Variants in FBXL17 observed in about 807,000 individuals in gnomAD.
FBXL17 encodes F-box and leucine rich repeat protein 17, also known as F-box/LRR-repeat protein 17.
In FBXL17, 22 loss-of-function variants were observed where a neutral mutation model predicts 66.2. The observed-to-expected ratio is 0.33, with a 90% CI of 0.24 to 0.47. FBXL17 has a LOEUF of 0.47. Ranked by LOEUF, FBXL17 falls within the 20% of genes least tolerant of loss-of-function variation. The probability of loss-of-function intolerance (pLI) is 1.00; values close to 1 mark genes in which losing one functional copy is unlikely to be tolerated. For missense variants in FBXL17, 878 were observed against 948.2 expected, an observed-to-expected ratio of 0.93 and a Z score of 0.97; for synonymous variants, 474 against 400.5, an observed-to-expected ratio of 1.18 and a Z score of -2.19.
At chr5:107,921,060 G>A (rs1750302417) in intron 7 of FBXL17, among the ~76,000 whole-genome samples, 1 of 151,934 alleles carries the variant, frequency 6.6e-6, no homozygotes. Context: ...AAATTCAAAG[G>A]GTAAATGATT....
chr5:108,230,660 T>C (rs557549748), intron 4 of FBXL17, among the ~76,000 whole-genome samples: 2 of 150,210 alleles, frequency 1.3e-5, no homozygotes, highest in Non-Finnish European at 3.0e-5. Context: ...ATCTCACAAA[T>C]CGTCACTGAA....
intron 6 of FBXL17, among the ~76,000 whole-genome samples, chr5:108,104,817 G>A (rs1749730376): frequency 2.0e-5 from 3 of 152,122 alleles, no homozygotes; most frequent in African/African-American, 7.2e-5. Flanking sequence ...ACTTTGGGGA[G>A]TACACAATTA....
chr5:107,901,150 C>G (rs190614166), intron 7 of FBXL17, among the ~76,000 whole-genome samples: 1 of 152,142 alleles, frequency 6.6e-6, no homozygotes, highest in Non-Finnish European at 1.5e-5. Flanking sequence ...TTTTCTTAAC[C>G]TGGATAAAGC....
chr5:108,155,365 A>C lies in FBXL17; in HGVS notation c.1745+30752T>G, dbSNP rs190564113. 4.9e-4 allele frequency among the ~76,000 whole-genome samples: 75 copies of C among 152,120 alleles called. 1 individual carries two copies. The South Asian group carries it at 0.013, about 27-fold the overall frequency. On this transcript the variant is annotated intron_variant, in intron 6 of 8. Transcript: ENST00000542267. Reference sequence around the variant, plus strand: ...CTCCATCTCTACTAAAAATACAAAAATTAGCCGGGCGTGGTGGCACGTGCC... The same window carrying C: ...CTCCATCTCTACTAAAAATACAAAACTTAGCCGGGCGTGGTGGCACGTGCC...
chr5:108,277,552 G>A lies in FBXL17; in HGVS notation c.1507-53324C>T, dbSNP rs11953702. On this transcript the variant is annotated intron_variant, in intron 4 of 8. Transcript: ENST00000542267. ...GAAGCAGGAGGGTTGAAGGTTTCAG[G>A]AGGAATGTCTGTAAAAACAAACAAA... Among the ~76,000 whole-genome samples, 727 of 152,272 alleles carry A rather than the reference G, an allele frequency of 4.8e-3. 9 individuals carry two copies. Among genetic ancestry groups the A allele is most frequent in the African/African-American group, 0.017 (708 of 41,560 alleles).
chr5:108,223,789 A>T (rs925041425), intron 5 of FBXL17, among the ~76,000 whole-genome samples: 1 of 147,932 alleles, frequency 6.8e-6, no homozygotes, highest in Admixed American at 6.8e-5. Context: ...TACTCATAAG[A>T]TCTAGTGATA....
chr5:108,338,933 G>T (rs1328929124), intron 4 of FBXL17, among the ~76,000 whole-genome samples: 1 of 152,164 alleles, frequency 6.6e-6, no homozygotes, highest in Non-Finnish European at 1.5e-5. Context: ...CACAGGTTTA[G>T]ATAGGAACAT....
intron 7 of FBXL17, among the ~76,000 whole-genome samples, chr5:107,884,680 C>T (rs558504692): frequency 1.8e-4 from 27 of 152,304 alleles, no homozygotes; most frequent in African/African-American, 6.3e-4. Context: ...GTCTCAAGTT[C>T]GGTTCTAGCC....
At chr5:107,920,023 T>C (rs2112559598) in intron 7 of FBXL17, among the ~76,000 whole-genome samples, 1 of 152,336 alleles carries the variant, frequency 6.6e-6, no homozygotes, top group South Asian at 2.1e-4. Context: ...GATCTAGTTT[T>C]ATGCCACAGT....
intron 4 of FBXL17, among the ~76,000 whole-genome samples, chr5:108,261,180 AAAC>A (rs1227436162): frequency 3.3e-5 from 5 of 152,066 alleles, no homozygotes; most frequent in African/African-American, 4.8e-5. Flanking sequence ...TAATAATATA[AAAC>A]AACATGAAAG....
intron 1 of FBXL17, among the ~76,000 whole-genome samples, chr5:108,378,507 CTT>C (rs1376332905): frequency 7.3e-6 from 1 of 136,354 alleles, no homozygotes; most frequent in African/African-American, 2.8e-5. Flanking sequence ...CTACGCAACC[CTT>C]CTAATATTAG....
chr5:107,871,692 T>A (rs537655846), intron 8 of FBXL17, among the ~76,000 whole-genome samples: 2 of 151,592 alleles, frequency 1.3e-5, no homozygotes, highest in Non-Finnish European at 2.9e-5. Flanking sequence ...ATGGAGAAAG[T>A]TGCTTGGGGG....
At chr5:108,116,579 C>A (rs1445881633) in intron 6 of FBXL17, among the ~76,000 whole-genome samples, 1 of 151,848 alleles carries the variant, frequency 6.6e-6, no homozygotes, top group African/African-American at 2.4e-5. Flanking sequence ...ACCCGGGAGG[C>A]AGAGGTTGCA....
intron 6 of FBXL17, among the ~76,000 whole-genome samples, chr5:108,126,651 C>CA (rs1750717728): frequency 9.3e-5 from 10 of 108,040 alleles, no homozygotes; most frequent in African/African-American, 3.1e-4. Context: ...CTCTCTCTCT[C>CA]TATATATATA....
At chr5:107,998,066 T>C (rs1324281137) in intron 7 of FBXL17, among the ~76,000 whole-genome samples, 1 of 152,150 alleles carries the variant, frequency 6.6e-6, no homozygotes, top group African/African-American at 2.4e-5. Context: ...AAATGTAAAA[T>C]ACACACCCGA....
Position 107,992,965 on chromosome 5 carries a change from G to A in FBXL17, c.1822+27960C>T, listed in dbSNP as rs1390384142. 2.6e-5 allele frequency among the ~76,000 whole-genome samples: 4 copies of A among 151,796 alleles called. 1 individual carries two copies. The highest frequency in any genetic ancestry group is 9.7e-5 in the African/African-American group (4 of 41,388). On this transcript the variant is annotated intron_variant, in intron 7 of 8. Transcript: ENST00000542267. ...GGTTGGAGTGCAGTGGCGCGATCTCGGCTCACTGCGAGCTCCACCTCCCAG... is the reference window on the plus strand; with the variant it reads ...GGTTGGAGTGCAGTGGCGCGATCTCAGCTCACTGCGAGCTCCACCTCCCAG...
chr5:108,285,843 A>G (rs528285038), intron 4 of FBXL17, among the ~76,000 whole-genome samples: 4 of 151,716 alleles, frequency 2.6e-5, no homozygotes, highest in African/African-American at 9.6e-5. Flanking sequence ...TAAAAAAAAA[A>G]CAAACTTCAG....
intron 2 of FBXL17, among the ~76,000 whole-genome samples, chr5:108,366,353 T>C (rs1419198656): frequency 6.6e-6 from 1 of 151,994 alleles, no homozygotes; most frequent in Admixed American, 6.6e-5. Flanking sequence ...GTAAAAATAA[T>C]GGAGACAGAA....
At chr5:108,360,706 T>G (rs906599579) in intron 3 of FBXL17, among the ~76,000 whole-genome samples, 7 of 152,148 alleles carry the variant, frequency 4.6e-5, no homozygotes, top group Non-Finnish European at 8.8e-5. Flanking sequence ...CCTTCTGGAA[T>G]TAGCAAAATG....
Sources: allele counts gnomAD v4.1 joint callset (sites outside exome capture counted in the v4.1 genomes callset), GRCh38; gene constraint gnomAD v4.1.1; transcripts MANE v1.5; gene names NCBI Gene and HGNC (gene_info 2026-07-23, HGNC 2026-07-21).